Variants in PAXBP1 observed in about 807,000 individuals in gnomAD.
PAXBP1 encodes the protein PAX3- and PAX7-binding protein 1.
A neutral mutation model predicts 119.9 loss-of-function variants in PAXBP1; 44 were observed. The ratio of observed to expected loss-of-function variants is 0.37; its 90% CI spans 0.29 to 0.47. The LOEUF is 0.47. Ranked by LOEUF, PAXBP1 falls within the 20% of genes least tolerant of loss-of-function variation. The pLI is 0.99. For missense variants in PAXBP1, 898 were observed against 1,134.1 expected, an observed-to-expected ratio of 0.79 and a Z score of 2.99; for synonymous variants, 393 against 406.6, an observed-to-expected ratio of 0.97 and a Z score of 0.40.
At chr21:32,736,180 A>G (rs1317700257) in intron 17 of PAXBP1, among the ~76,000 whole-genome samples, 10 of 152,180 alleles carry the variant, frequency 6.6e-5, no homozygotes, top group Admixed American at 6.5e-4. Context: ...GAATTTTACC[A>G]TTAAAATCTT....
rs1267601926 is a variant in PAXBP1 at position 32,769,932 on chromosome 21, T to G, written c.354A>C (p.Glu118Asp). 1.3e-6 allele frequency: 2 copies of G among 1,527,104 alleles called. No homozygotes were observed. The highest frequency in any genetic ancestry group is 1.4e-5 in the African/African-American group (1 of 71,716). 94.6% of individuals were successfully genotyped at this position (1,527,104 alleles called of 1,614,324 possible). Residue 118 changes from glutamate to aspartate, a missense_variant, in exon 2 of 18, where the codon GAA (glutamate) becomes GAC (aspartate). Around this residue, in one of 2 missense-constraint regions of PAXBP1, gnomAD observed 299 missense variants for 281.4 expected, o/e 1.06. Coordinates refer to ENST00000331923, the MANE Select transcript of PAXBP1 (RefSeq NM_016631.4). Reference sequence around the variant, plus strand: ...AACTTGATTTCTTCACTTTGAAAACTTCTTCATTTTCTTAAAAAGGAAATT... The same window carrying G: ...AACTTGATTTCTTCACTTTGAAAACGTCTTCATTTTCTTAAAAAGGAAATT... ...SFQDEEEENE[E>D]VFKVKKSSYS...
At chr21:32,763,196 C>A (rs909351845) in intron 3 of PAXBP1, among the ~76,000 whole-genome samples, 2 of 152,166 alleles carry the variant, frequency 1.3e-5, no homozygotes, top group Non-Finnish European at 2.9e-5. Context: ...CATTAACTGA[C>A]CTTTTGAGTA....
At position 32,734,765 on chromosome 21, in the gene PAXBP1, C is replaced by G; in HGVS notation, c.*185G>C. On this transcript the variant is annotated 3_prime_UTR_variant, in exon 18 of 18. Transcript: ENST00000331923. ...AGGCAGTAAAGAAAACATTCATAGA[C>G]TCCTAGAAATAATCTGAATTCCTTT... is the stretch of plus-strand genomic sequence containing the variant. 1.6e-6 allele frequency: 1 copy of G among 610,754 alleles called. No individual in the cohort carries two copies. The highest frequency in any genetic ancestry group is 2.0e-5 in the South Asian group (1 of 50,892). 37.8% of individuals were successfully genotyped at this position (610,754 alleles called of 1,614,324 possible).
intron 2 of PAXBP1, 122 bp from the exon 3 acceptor site, chr21:32,764,646 A>G: frequency 1.5e-6 from 1 of 666,514 alleles, no homozygotes; most frequent in Non-Finnish European, 2.4e-6. Context: ...TTTTCATTCA[A>G]TTATGGGCTC....
At chr21:32,748,799 A>G (rs2043914569) in intron 10 of PAXBP1, 101 bp from the exon 11 acceptor site, 1 of 1,011,032 alleles carries the variant, frequency 9.9e-7, no homozygotes, top group Non-Finnish European at 1.4e-6. Context: ...CAGTATCAGA[A>G]GATACGCTCA....
chr21:32,743,352 T>C (rs2043818514), intron 14 of PAXBP1, 38 bp from the exon 15 acceptor site: 4 of 1,357,756 alleles, frequency 2.9e-6, no homozygotes, highest in South Asian at 2.8e-5. Context: ...TGATCAGATA[T>C]TTTATATGTA....
At chr21:32,747,388 G>T (rs543846549) in intron 11 of PAXBP1, among the ~76,000 whole-genome samples, 60 of 152,282 alleles carry the variant, frequency 3.9e-4, no homozygotes, top group African/African-American at 1.4e-3. Flanking sequence ...GTGGAGCTCA[G>T]GAAGGCTGAC....
chr21:32,739,690 A>C (rs560110615), intron 15 of PAXBP1, among the ~76,000 whole-genome samples: 1 of 151,760 alleles, frequency 6.6e-6, no homozygotes, highest in South Asian at 2.1e-4. Context: ...GCAGATCACG[A>C]GGTCAGGAGA....
intron 2 of PAXBP1, among the ~76,000 whole-genome samples, 194 bp from the exon 3 acceptor site, chr21:32,764,718 T>C (rs2044211602): frequency 2.0e-5 from 3 of 152,180 alleles, no homozygotes; most frequent in Admixed American, 6.5e-5. Flanking sequence ...TGTGTGAGTA[T>C]GAAACAGCAT....
chr21:32,770,336 A>AC (rs1400684181), intron 1 of PAXBP1, among the ~76,000 whole-genome samples: 1 of 152,204 alleles, frequency 6.6e-6, no homozygotes, highest in African/African-American at 2.4e-5. Flanking sequence ...AACTACATCC[A>AC]CCACAAGCTG....
Position 32,748,673 on chromosome 21 carries a change from T to C in PAXBP1, c.1749A>G (p.Lys583=), listed in dbSNP as rs1366683004. Residue 583 remains lysine, a synonymous_variant, in exon 11 of 18, where the codon AAA becomes AAG. Transcript: ENST00000331923. ...EKDRISKESG[K]VFEDVLESFY... Reference sequence around the variant, plus strand: ...AACTTTCAAGGACATCTTCAAAAACTTTGCCGGATTCTTTTGAAATTCGAT... The same window carrying C: ...AACTTTCAAGGACATCTTCAAAAACCTTGCCGGATTCTTTTGAAATTCGAT... 6.2e-7 allele frequency: 1 copy of C among 1,611,464 alleles called. No individual in the cohort carries two copies. Among genetic ancestry groups the C allele is most frequent in the Non-Finnish European group, 8.5e-7 (1 of 1,178,414 alleles).
chr21:32,746,456 T>C (rs940673196), intron 11 of PAXBP1, among the ~76,000 whole-genome samples: 3 of 152,056 alleles, frequency 2.0e-5, no homozygotes, highest in Non-Finnish European at 4.4e-5. Context: ...CATGAACAGA[T>C]ACTTCTCAAA....
Position 32,764,449 on chromosome 21 carries a change from C to T in PAXBP1, c.548G>A (p.Gly183Asp). ...ACTTTCCATATCCATTTCATCTTCA[C>T]CATGTTCACTGATGATAACTCCATC... is the stretch of plus-strand genomic sequence containing the variant. ...QEDGVIISEH[G>D]EDEMDMESEK... Residue 183 changes from glycine (G) to aspartate (D), a missense_variant, in exon 3 of 18, where the codon GGT becomes GAT. Coordinates refer to ENST00000331923, the MANE Select transcript of PAXBP1 (RefSeq NM_016631.4). 1 of 1,613,760 alleles carries T rather than the reference C, an allele frequency of 6.2e-7. No homozygotes were observed. The highest frequency in any genetic ancestry group is 1.1e-5 in the South Asian group (1 of 91,076).
chr21:32,746,379 T>TGA (rs2043871947), intron 11 of PAXBP1, among the ~76,000 whole-genome samples: 2 of 151,950 alleles, frequency 1.3e-5, no homozygotes, highest in African/African-American at 4.8e-5. Context: ...CTGACAAAGG[T>TGA]CTAATATCCA....
chr21:32,767,091 G>A (rs563235387), intron 2 of PAXBP1, among the ~76,000 whole-genome samples: 118 of 151,944 alleles, frequency 7.8e-4, no homozygotes, highest in African/African-American at 2.7e-3. Flanking sequence ...AATTATCACC[G>A]CAATAAGCAC....
chr21:32,761,975 C>T, intron 4 of PAXBP1, 121 bp downstream of exon 4: 3 of 993,238 alleles, frequency 3.0e-6, no homozygotes, highest in Admixed American at 4.6e-5. Context: ...CGAGTCAAGA[C>T]ACTGCAGTGA....
At chr21:32,761,348 A>C (rs549572935) in intron 4 of PAXBP1, among the ~76,000 whole-genome samples, 186 bp from the exon 5 acceptor site, 1 of 152,356 alleles carries the variant, frequency 6.6e-6, no homozygotes, top group South Asian at 2.1e-4. Flanking sequence ...TATTCCTTGA[A>C]GCTAAAGGCA....
intron 8 of PAXBP1, among the ~76,000 whole-genome samples, chr21:32,753,179 C>T (rs2043984245): frequency 6.6e-6 from 1 of 151,902 alleles, no homozygotes; most frequent in Non-Finnish European, 1.5e-5. Flanking sequence ...CATTATACGG[C>T]TGGGCACGGT....
Position 32,771,355 on chromosome 21 carries a change from C to G in PAXBP1, c.314G>C (p.Ser105Thr), listed in dbSNP as rs1381489706. 3 of 1,585,792 alleles carry G rather than the reference C, an allele frequency of 1.9e-6. No individual in the cohort carries two copies. Among genetic ancestry groups the G allele is most frequent in the Non-Finnish European group, 2.6e-6 (3 of 1,173,818 alleles). Residue 105 changes from serine to threonine, a missense_variant, in exon 1 of 18, where the codon AGC becomes ACC. Physicochemically the swap from Ser to Thr is moderately conservative, Grantham distance 58 (BLOSUM62 1). Coordinates refer to ENST00000331923, the MANE Select transcript of PAXBP1 (RefSeq NM_016631.4). The part of the protein sequence containing the change: ...PRENKEVPRA[S>T]LLSFQDEEEE... ...CTCCTCGTCCTGGAAGCTGAGCAGGCTGGCCCGGGGCACCTCTTTGTTCTC... is the reference window on the plus strand; with the variant it reads ...CTCCTCGTCCTGGAAGCTGAGCAGGGTGGCCCGGGGCACCTCTTTGTTCTC...
Sources: allele counts gnomAD v4.1 joint callset (sites outside exome capture counted in the v4.1 genomes callset), GRCh38; gene constraint gnomAD v4.1.1; regional missense constraint gnomAD v4.1.1; transcripts MANE v1.5; gene names NCBI Gene and HGNC (gene_info 2026-07-23, HGNC 2026-07-21).